The following LCOR variants were observed in gnomAD, a reference collection of about 807,000 sequenced individuals.
The protein encoded by LCOR is ligand-dependent corepressor.
In LCOR, 14 loss-of-function variants were observed where a neutral mutation model predicts 64.4. The ratio of observed to expected loss-of-function variants is 0.22; its 90% CI spans 0.14 to 0.34. LCOR has a LOEUF of 0.34. LCOR is among the 10% of genes least tolerant of loss of function. The pLI, the probability that LCOR is intolerant of heterozygous loss-of-function variation, is 1.00. For missense variants in LCOR, 1,686 were observed against 1,765.3 expected, an observed-to-expected ratio of 0.96 and a Z score of 0.80; for synonymous variants, 643 against 642.5, an observed-to-expected ratio of 1.00 and a Z score of -0.01.
At chr10:96,918,088 G>A (rs548996442) in intron 4 of LCOR, among the ~76,000 whole-genome samples, 7 of 152,318 alleles carry the variant, frequency 4.6e-5, no homozygotes, top group African/African-American at 1.7e-4. Flanking sequence ...TGGATTATTT[G>A]AGCAAACGAA....
chr10:96,870,106 G>A (rs575066018), intron 2 of LCOR, among the ~76,000 whole-genome samples: 3 of 151,770 alleles, frequency 2.0e-5, no homozygotes, highest in South Asian at 4.1e-4. Context: ...CCAGGCTGGA[G>A]TGCAGTGGCA....
intron 4 of LCOR, among the ~76,000 whole-genome samples, chr10:96,932,016 G>T (rs1847270033): frequency 6.6e-6 from 1 of 152,144 alleles, no homozygotes; most frequent in Non-Finnish European, 1.5e-5. Context: ...TGGGGGGATA[G>T]CAGAATTCAC....
rs771969001 is a variant in LCOR at position 96,983,508 on chromosome 10, G to A, written c.3048G>A (p.Ser1016=). 7.4e-6 allele frequency: 12 copies of A among 1,613,918 alleles called. No homozygotes were observed. Among genetic ancestry groups the A allele is most frequent in the African/African-American group, 6.7e-5 (5 of 74,884 alleles). ...SDAPCSSLGL[S]SSGSGDAARA... is the part of the protein sequence containing the mutation. ...CCCCATGCAGCTCTCTTGGGTTGTCGAGTAGTGGAAGTGGTGATGCTGCTA... is the reference window on the plus strand; with the variant it reads ...CCCCATGCAGCTCTCTTGGGTTGTCAAGTAGTGGAAGTGGTGATGCTGCTA... The change falls in exon 8 of 8, where the codon TCG becomes TCA. Residue 1016 remains serine (S), a synonymous_variant. Coordinates refer to ENST00000421806, the MANE Select transcript of LCOR (RefSeq NM_001346516.2). The surrounding 1 kb of genome is among the most constrained non-coding windows in gnomAD (Gnocchi z 4.5).
chr10:96,946,593 C>T (rs1357411905), intron 5 of LCOR, among the ~76,000 whole-genome samples: 1 of 152,040 alleles, frequency 6.6e-6, no homozygotes, highest in Non-Finnish European at 1.5e-5. Flanking sequence ...CTCAGTTGTG[C>T]TGTGTTCCCC....
intron 2 of LCOR, among the ~76,000 whole-genome samples, chr10:96,905,849 A>G (rs945642165): frequency 1.3e-5 from 2 of 152,198 alleles, no homozygotes; most frequent in Non-Finnish European, 2.9e-5. Flanking sequence ...AGTATAGAAA[A>G]ACCAGCTCTC....
chr10:96,984,091 C>T lies in LCOR; in HGVS notation c.3631C>T (p.Pro1211Ser). The T allele has an allele frequency of 6.2e-7, 1 of 1,614,104 alleles. No individual in the cohort carries two copies. Among genetic ancestry groups the T allele is most frequent in the Non-Finnish European group, 8.5e-7 (1 of 1,179,984 alleles). ...CAATACTCGCCTTCCAGGAGACGTT[C>T]CCCCTGTCAAGCATCCTCTTCAGAA... ...KLNTRLPGDV[P>S]PVKHPLQKYA... The change falls in exon 8 of 8, where the codon CCC (proline) becomes TCC (serine). Residue 1211 changes from proline to serine, a missense_variant. By Grantham distance (74) the Pro-to-Ser change is moderately conservative. This residue lies in a region of LCOR where 1,293 missense variants were observed against 1,410.4 expected (regional missense o/e 0.92). Transcript: ENST00000421806.
chr10:96,911,944 T>C (rs992891795), intron 4 of LCOR, among the ~76,000 whole-genome samples: 1 of 152,116 alleles, frequency 6.6e-6, no homozygotes, highest in Non-Finnish European at 1.5e-5. Context: ...TTCTTTCTTT[T>C]TTTTTGTGAG....
intron 5 of LCOR, among the ~76,000 whole-genome samples, chr10:96,944,481 T>G (rs1005322958): frequency 5.9e-5 from 9 of 152,138 alleles, no homozygotes; most frequent in Non-Finnish European, 1.0e-4. Flanking sequence ...TAGAAAATTA[T>G]TAGGAAATTC....
intron 2 of LCOR, among the ~76,000 whole-genome samples, chr10:96,882,594 A>T (rs951358055): frequency 2.6e-5 from 4 of 152,224 alleles, no homozygotes; most frequent in African/African-American, 9.6e-5. Flanking sequence ...ATGACACGTC[A>T]TTATCATCCA....
intron 4 of LCOR, among the ~76,000 whole-genome samples, chr10:96,912,770 T>C (rs550698909): frequency 1.3e-5 from 2 of 152,218 alleles, no homozygotes; most frequent in African/African-American, 2.4e-5. Context: ...CATCCATTGA[T>C]GAACATTGCC....
intron 2 of LCOR, among the ~76,000 whole-genome samples, chr10:96,899,741 G>T (rs965089909): frequency 6.6e-6 from 1 of 151,986 alleles, no homozygotes; most frequent in African/African-American, 2.4e-5. Flanking sequence ...AGTTTTGTGA[G>T]TATTCTTATA....
intron 2 of LCOR, among the ~76,000 whole-genome samples, chr10:96,844,761 T>TCTGAGTGATA (rs373739064): frequency 7.2e-5 from 11 of 152,336 alleles, no homozygotes; most frequent in African/African-American, 2.4e-4. Context: ...GCAGAGGGTA[T>TCTGAGTGATA]CTGAGTGATA....
At chr10:96,961,440 A>G (rs538619557) in intron 7 of LCOR, 1 of 152,268 alleles carries the variant, frequency 6.6e-6, no homozygotes, top group South Asian at 2.1e-4. Context: ...GAACATGCTC[A>G]AGATGATCAA....
rs1564647797 is a variant in LCOR at position 96,989,697 on chromosome 10, T to TATATATATA, written c.*4563_*4564insATATATATA. On this transcript the variant is annotated 3_prime_UTR_variant, in exon 8 of 8. Coordinates refer to ENST00000421806, the MANE Select transcript of LCOR (RefSeq NM_001346516.2). ...AGGATATATATATATATATATATATTTTTTTTTTTTTTTTTTTTTTTTAAT... is the reference window on the plus strand; with the variant it reads ...AGGATATATATATATATATATATATTATATATATATTTTTTTTTTTTTTTTTTTTTTAAT... The TATATATATA allele has an allele frequency of 4.2e-3, 196 of 46,984 alleles. No homozygotes were observed. The highest frequency in any genetic ancestry group is 0.016 in the African/African-American group (133 of 8,528). The allele number at this position is 46,984 out of a possible 1,614,324, so 2.9% of individuals were successfully genotyped here. A position where few individuals can be genotyped will look rare whatever the true frequency, so the allele number is the denominator to read the frequency against.
chr10:96,911,345 G>A (rs28758432), intron 4 of LCOR, among the ~76,000 whole-genome samples: 21,371 of 151,944 alleles, frequency 0.14, 2,071 homozygotes, highest in African/African-American at 0.27. Flanking sequence ...TGATCCACTC[G>A]CCTCAGCCTC....
At chr10:96,854,905 A>G (rs995154708) in intron 2 of LCOR, among the ~76,000 whole-genome samples, 1 of 152,184 alleles carries the variant, frequency 6.6e-6, no homozygotes, top group Non-Finnish European at 1.5e-5. Flanking sequence ...GGGAAAAATT[A>G]TATGTGTGTT....
At chr10:96,936,472 A>G (rs1254359156) in intron 4 of LCOR, among the ~76,000 whole-genome samples, 1 of 152,242 alleles carries the variant, frequency 6.6e-6, no homozygotes, top group African/African-American at 2.4e-5. Context: ...AAAATATCAA[A>G]TTAGGTAAAC....
At chr10:96,922,644 G>A (rs750779279) in intron 4 of LCOR, among the ~76,000 whole-genome samples, 3 of 152,184 alleles carry the variant, frequency 2.0e-5, no homozygotes, top group Non-Finnish European at 4.4e-5. Context: ...ACCAATAGAG[G>A]CATAAAGAAA....
chr10:96,873,473 C>A (rs1461000944), intron 2 of LCOR, among the ~76,000 whole-genome samples: 2 of 151,592 alleles, frequency 1.3e-5, no homozygotes, highest in African/African-American at 2.4e-5. Flanking sequence ...ACATTCTTTT[C>A]TTTAATCCTA....
Sources: allele counts gnomAD v4.1 joint callset (sites outside exome capture counted in the v4.1 genomes callset), GRCh38; gene constraint gnomAD v4.1.1; regional missense constraint gnomAD v4.1.1; non-coding constraint Gnocchi (gnomAD v3.1); transcripts MANE v1.5; gene names NCBI Gene and HGNC (gene_info 2026-07-23, HGNC 2026-07-21).